SPATS2: variants seen among roughly 807,000 people sequenced by gnomAD.
SPATS2 encodes the protein spermatogenesis associated serine rich 2.
In SPATS2, 38 loss-of-function variants were observed where a neutral mutation model predicts 63.7. That is an observed-to-expected ratio of 0.60 (90% confidence interval 0.46 to 0.78). SPATS2 has a LOEUF of 0.78. Ranked by LOEUF, SPATS2 falls within the 30% of genes least tolerant of loss-of-function variation. SPATS2 has a pLI of 0.00. For missense variants in SPATS2, 588 were observed against 666.2 expected (o/e 0.88, Z 1.29); for synonymous variants, 207 against 232.9 (o/e 0.89, Z 1.01).
Position 49,407,015 on chromosome 12 carries a change from C to G in SPATS2, c.-244+35725C>G, listed in dbSNP as rs527577948. ...TCACACTTCATATGTGTCTCCACGCCTCTTTCATGGTCATCCCCATTTCAG... is the reference window on the plus strand; with the variant it reads ...TCACACTTCATATGTGTCTCCACGCGTCTTTCATGGTCATCCCCATTTCAG... On this transcript the variant is annotated intron_variant, in intron 2 of 13. Transcript: ENST00000552918. 1.1e-4 allele frequency among the ~76,000 whole-genome samples: 17 copies of G among 152,300 alleles called. No individual in the cohort carries two copies. The East Asian group carries it at 3.1e-3, about 28-fold the overall frequency.
intron 2 of SPATS2, among the ~76,000 whole-genome samples, chr12:49,446,278 T>C (rs1316641492): frequency 6.6e-6 from 1 of 152,204 alleles, no homozygotes; most frequent in Non-Finnish European, 1.5e-5. Flanking sequence ...AGTTTTCCAT[T>C]GCTGCTGTAA....
At chr12:49,449,795 C>T (rs181289495) in intron 2 of SPATS2, among the ~76,000 whole-genome samples, 17 of 152,306 alleles carry the variant, frequency 1.1e-4, no homozygotes, top group African/African-American at 4.1e-4. Context: ...CCCCATGATT[C>T]AGTTATCTCC....
Position 49,429,177 on chromosome 12 carries a change from T to G in SPATS2, c.-243-31593T>G, listed in dbSNP as rs74894586. On this transcript the variant is annotated intron_variant, in intron 2 of 13. Transcript: ENST00000552918. Reference sequence around the variant, plus strand: ...TAATAGTAGTAAAGAGGAGTTGTGGTATCATGTGGCTTCTGATTTCCCACT... The same window carrying G: ...TAATAGTAGTAAAGAGGAGTTGTGGGATCATGTGGCTTCTGATTTCCCACT... Among the ~76,000 whole-genome samples the G allele has an allele frequency of 9.7e-3, 1,484 of 152,332 alleles. 171 individuals carry two copies. The East Asian group carries it at 0.25, about 25-fold the overall frequency.
rs529706223 is a variant in SPATS2, at chr12:49,510,615, A to C, written c.840-3940A>C. 1.2e-4 allele frequency among the ~76,000 whole-genome samples: 18 copies of C among 152,156 alleles called. No homozygotes were observed. The South Asian group carries it at 3.7e-3, about 32-fold the overall frequency. ...TTTTGAGCAAATAAAATTGTGTACA[A>C]ATGTTTTCTGACAGTATTATTGAAT... On this transcript the variant is annotated intron_variant, in intron 9 of 13. Coordinates refer to ENST00000552918, the MANE Select transcript of SPATS2 (RefSeq NM_023071.4).
At chr12:49,473,078 A>G (rs1201141673) in intron 3 of SPATS2, among the ~76,000 whole-genome samples, 1 of 150,886 alleles carries the variant, frequency 6.6e-6, no homozygotes, top group African/African-American at 2.4e-5. Flanking sequence ...AACAACAACC[A>G]CAACAAAAAA....
intron 9 of SPATS2, 76 bp from the exon 10 acceptor site, chr12:49,514,479 T>C: frequency 7.2e-7 from 1 of 1,384,644 alleles, no homozygotes; most frequent in Non-Finnish European, 1.0e-6. Context: ...CTGGTCTTTC[T>C]TTACTATTAA....
chr12:49,383,262 G>A (rs1944254830), intron 2 of SPATS2, among the ~76,000 whole-genome samples: 1 of 150,550 alleles, frequency 6.6e-6, no homozygotes. Flanking sequence ...CAGGTGATCC[G>A]CCTGCCTCGG....
intron 4 of SPATS2, among the ~76,000 whole-genome samples, chr12:49,488,688 A>G (rs1316818441): frequency 6.6e-6 from 1 of 152,200 alleles, no homozygotes; most frequent in Non-Finnish European, 1.5e-5. Context: ...ATTTATCAAC[A>G]TAGAAAAAAT....
intron 2 of SPATS2, among the ~76,000 whole-genome samples, chr12:49,445,486 T>G (rs986278911): frequency 2.0e-5 from 3 of 151,830 alleles, no homozygotes; most frequent in Non-Finnish European, 4.4e-5. Context: ...GAATTTGGCT[T>G]GCATATATAT....
At chr12:49,459,433 C>A (rs2137666608) in intron 2 of SPATS2, among the ~76,000 whole-genome samples, 1 of 152,150 alleles carries the variant, frequency 6.6e-6, no homozygotes, top group East Asian at 1.9e-4. Context: ...ACGGCAACCT[C>A]CGCCTCCTGG....
At position 49,367,595 on chromosome 12, in the gene SPATS2, T is replaced by C; in HGVS notation, c.-307+8T>C. 2.6e-6 allele frequency: 1 copy of C among 391,774 alleles called. No homozygotes were observed. Among genetic ancestry groups the C allele is most frequent in the East Asian group, 3.6e-5 (1 of 27,556 alleles). The allele number at this position is 391,774 out of a possible 1,614,324, so 24.3% of individuals were successfully genotyped here. On this transcript the variant is annotated splice_region_variant and intron_variant, in intron 1 of 13. Transcript: ENST00000552918. ...TGCGGGGGCCTGGGCTAGGTGAGGCTAAGGGTGCTGGGTGGCGGGGTTGGC... is the reference window on the plus strand; with the variant it reads ...TGCGGGGGCCTGGGCTAGGTGAGGCCAAGGGTGCTGGGTGGCGGGGTTGGC...
At chr12:49,525,148 G>A (rs980193470) in intron 13 of SPATS2, among the ~76,000 whole-genome samples, 4 of 152,212 alleles carry the variant, frequency 2.6e-5, no homozygotes, top group Non-Finnish European at 5.9e-5. Context: ...GTTGTAGATA[G>A]TATTGCCTGG....
At chr12:49,445,627 A>G (rs1266241677) in intron 2 of SPATS2, among the ~76,000 whole-genome samples, 12 of 151,486 alleles carry the variant, frequency 7.9e-5, no homozygotes, top group Non-Finnish European at 2.9e-5. Context: ...AAGTGATCCT[A>G]CTCCCTCAGC....
At chr12:49,380,071 CACACA>C (rs1944186933) in intron 2 of SPATS2, among the ~76,000 whole-genome samples, 1 of 152,096 alleles carries the variant, frequency 6.6e-6, no homozygotes, top group African/African-American at 2.4e-5. Flanking sequence ...TAAATGGAAT[CACACA>C]ATATATGACC....
intron 9 of SPATS2, among the ~76,000 whole-genome samples, chr12:49,504,020 A>T (rs543180349): frequency 6.6e-6 from 1 of 152,154 alleles, no homozygotes; most frequent in Admixed American, 6.6e-5. Flanking sequence ...GAGTTTATAA[A>T]CCACCTTATT....
intron 11 of SPATS2, among the ~76,000 whole-genome samples, chr12:49,521,157 C>T (rs1006915280): frequency 1.3e-5 from 2 of 152,152 alleles, no homozygotes; most frequent in African/African-American, 4.8e-5. Flanking sequence ...GGGAGTTGGC[C>T]TTCTCCACAC....
chr12:49,387,202 C>T (rs889994551), intron 2 of SPATS2: 14 of 152,152 alleles, frequency 9.2e-5, no homozygotes, highest in African/African-American at 2.9e-4. Flanking sequence ...AGAGGAGAAC[C>T]GGCTTTTAAT....
chr12:49,458,104 A>G (rs1945751637), intron 2 of SPATS2, among the ~76,000 whole-genome samples: 1 of 152,126 alleles, frequency 6.6e-6, no homozygotes, highest in South Asian at 2.1e-4. Flanking sequence ...TCCTTCTTGC[A>G]TTGCATTTTG....
chr12:49,478,795 C>T (rs1214462390), intron 3 of SPATS2, among the ~76,000 whole-genome samples: 2 of 152,106 alleles, frequency 1.3e-5, no homozygotes, highest in African/African-American at 4.8e-5. Context: ...ACTTTTCTGG[C>T]CAGAAACCTC....
Sources: allele counts gnomAD v4.1 joint callset (sites outside exome capture counted in the v4.1 genomes callset), GRCh38; gene constraint gnomAD v4.1.1; transcripts MANE v1.5; gene names NCBI Gene and HGNC (gene_info 2026-07-23, HGNC 2026-07-21).